COL6A2: variants seen among roughly 807,000 people sequenced by gnomAD.
The protein encoded by COL6A2 is collagen alpha-2(VI) chain.
Under a neutral mutation model 124.9 loss-of-function variants are expected in COL6A2, and 90 were observed. The observed-to-expected ratio is 0.72, with a 90% CI of 0.61 to 0.86. The LOEUF is 0.86. Ranked by LOEUF, COL6A2 falls within the 40% of genes least tolerant of loss-of-function variation. COL6A2 has a pLI of 0.00. For missense variants in COL6A2, 1,607 were observed against 1,502.5 expected (o/e 1.07, Z -1.15); for synonymous variants, 793 against 618.2 (o/e 1.28, Z -4.19).
At position 46,115,151 on chromosome 21, in the gene COL6A2, G is replaced by A. The variant is rs11910021; in HGVS notation, c.802-721G>A. Among the ~76,000 whole-genome samples, 46 of 152,262 alleles carry A rather than the reference G, an allele frequency of 3.0e-4. No homozygotes were observed. The South Asian group carries it at 9.3e-3, about 31-fold the overall frequency. On this transcript the variant is annotated intron_variant, in intron 5 of 27. Coordinates refer to ENST00000300527, the MANE Select transcript of COL6A2 (RefSeq NM_001849.4). ...GCTGCACACAGCAGTGCAGTGACCC[G>A]TTCTGTTGGGGGGGCCACTGGAAGC... is the stretch of plus-strand genomic sequence containing the variant.
In COL6A2 at chr21:46,132,463, G is replaced by A. The variant is rs769931658; in HGVS notation, c.2971G>A (p.Gly991Ser). The A allele has an allele frequency of 3.7e-6, 6 of 1,606,732 alleles. No individual in the cohort carries two copies. The highest frequency in any genetic ancestry group is 5.1e-6 in the Non-Finnish European group (6 of 1,177,422). Residue 991 changes from glycine (G) to serine (S), a missense_variant, in exon 28 of 28, where the codon GGT becomes AGT. Gly to Ser is a moderately conservative substitution (Grantham distance 56). This residue lies in a region of COL6A2 where 1,223 missense variants were observed against 1,052.2 expected (regional missense o/e 1.16). Coordinates refer to ENST00000300527, the MANE Select transcript of COL6A2 (RefSeq NM_001849.4). ...DMDVLTTLSL[G>S]DRAAVFHEKD... ...GGACGTGCTCACCACGCTCAGCCTG[G>A]GTGACCGCGCCGCCGTGTTCCACGA...
rs9980483 is a variant in COL6A2, at chr21:46,119,619, T to C, written c.1270-169T>C. The stretch of plus-strand genomic sequence containing the variant: ...GGACGAGGGCTGGCAGCAGAGCCAC[T>C]GGCGCAGGCTGAGGCTGTTGGGAAG... On this transcript the variant is annotated intron_variant, in intron 14 of 27. Transcript: ENST00000300527. Among the ~76,000 whole-genome samples, 41,095 of 152,138 alleles carry C rather than the reference T, an allele frequency of 0.27. 6,543 individuals carry two copies. The highest frequency in any genetic ancestry group is 0.43 in the African/African-American group (17,929 of 41,472).
Position 46,118,609 on chromosome 21 carries a change from TC to T in COL6A2, c.1117-3del. ...ACGTGAGGCTGATTCTGCAAACCCT[TC>T]CAGGGGGACCCTGGCCGCCCAGGAC... On this transcript the variant is annotated splice_polypyrimidine_tract_variant and splice_region_variant and intron_variant, in intron 12 of 27. Transcript: ENST00000300527. 6.2e-7 allele frequency: 1 copy of T among 1,612,336 alleles called. No homozygotes were observed. The highest frequency in any genetic ancestry group is 1.1e-5 in the South Asian group (1 of 90,900).
chr21:46,118,452 G>C (rs2078510283), intron 12 of COL6A2, among the ~76,000 whole-genome samples, 162 bp from the exon 13 acceptor site: 1 of 152,204 alleles, frequency 6.6e-6, no homozygotes, highest in Non-Finnish European at 1.5e-5. Context: ...CTGGCACGGA[G>C]GTTCCAGCAG....
intron 5 of COL6A2, among the ~76,000 whole-genome samples, chr21:46,114,813 G>A (rs1464566517): frequency 1.3e-5 from 2 of 152,174 alleles, no homozygotes; most frequent in Non-Finnish European, 1.5e-5. Flanking sequence ...CACTAACAGA[G>A]TATGTGAAAC....
Position 46,119,780 on chromosome 21 carries a change from C to T in COL6A2, c.1270-8C>T. On this transcript the variant is annotated splice_polypyrimidine_tract_variant and splice_region_variant and intron_variant, in intron 14 of 27. Coordinates refer to ENST00000300527, the MANE Select transcript of COL6A2 (RefSeq NM_001849.4). ...CCCCTCCCTCACCCACACGCCTGTT[C>T]TCTGCAGGGGCGCAGGGGAGACCCC... 1 of 1,558,392 alleles carries T rather than the reference C, an allele frequency of 6.4e-7. No individual in the cohort carries two copies. Among genetic ancestry groups the T allele is most frequent in the Non-Finnish European group, 8.7e-7 (1 of 1,150,702 alleles).
At position 46,125,682 on chromosome 21, in the gene COL6A2, T is replaced by C. The variant is rs180784633; in HGVS notation, c.1969+65T>C. Reference sequence around the variant, plus strand: ...GGGCGGGGCGTGGGAGGCGATGAGATGGGAGAAGTCCAGACGCGTCCCTCC... The same window carrying C: ...GGGCGGGGCGTGGGAGGCGATGAGACGGGAGAAGTCCAGACGCGTCCCTCC... On this transcript the variant is annotated intron_variant, in intron 25 of 27. Coordinates refer to ENST00000300527, the MANE Select transcript of COL6A2 (RefSeq NM_001849.4). The C allele has an allele frequency of 2.5e-6, 4 of 1,591,714 alleles. No homozygotes were observed. The East Asian group carries it at 9.1e-5, about 36-fold the overall frequency.
chr21:46,124,896 C>CCCCCCTGGAGACCCCGGT lies in COL6A2; in HGVS notation c.1748_1765dup (p.Pro583_Gly588dup). ...CCTTCCTTCCCCAGGGTGAGCCCGG[C>CCCCCCTGGAGACCCCGGT]CCCCCTGGAGACCCCGGTCTCACGG... On this transcript the variant is annotated inframe_insertion, in exon 23 of 28. Coordinates refer to ENST00000300527, the MANE Select transcript of COL6A2 (RefSeq NM_001849.4). The CCCCCCTGGAGACCCCGGT allele has an allele frequency of 6.2e-7, 1 of 1,612,812 alleles. No individual in the cohort carries two copies. Among genetic ancestry groups the CCCCCCTGGAGACCCCGGT allele is most frequent in the Non-Finnish European group, 8.5e-7 (1 of 1,179,938 alleles).
At chr21:46,118,816 A>G in intron 13 of COL6A2, 140 bp downstream of exon 13, 1 of 1,142,386 alleles carries the variant, frequency 8.8e-7, no homozygotes, top group Non-Finnish European at 1.3e-6. Context: ...AGGGACAGGA[A>G]GAACAGGCCA....
intron 27 of COL6A2, among the ~76,000 whole-genome samples, chr21:46,130,338 T>TGGGGAGCGGCAGGGATCACCATCCAA (rs2078744766): frequency 3.9e-5 from 6 of 152,112 alleles, no homozygotes; most frequent in Non-Finnish European, 8.8e-5. Context: ...TCCACAATGT[T>TGGGGAGCGGCAGGGATCACCATCCAA]GGGGAGCGGC....
intron 4 of COL6A2, 106 bp downstream of exon 4, chr21:46,112,930 A>G (rs930544936): frequency 6.5e-5 from 92 of 1,423,388 alleles, no homozygotes; most frequent in Non-Finnish European, 8.6e-5. Flanking sequence ...AACAGATGAG[A>G]GGAGAGGGAG....
rs200585528 is a variant in COL6A2 at position 46,125,997 on chromosome 21, G to A, written c.2182G>A (p.Val728Met). The A allele has an allele frequency of 2.6e-4, 412 of 1,613,058 alleles. No homozygotes were observed. In the Middle Eastern group the frequency reaches 5.9e-3, roughly 23 times the overall value. ...SRRQKTRVFA[V>M]VITDGRHDPR... ...GCGCCAGAAGACACGTGTGTTTGCG[G>A]TGGTCATCACGGACGGGCGCCACGA... Residue 728 changes from valine to methionine, a missense_variant, in exon 26 of 28, where the codon GTG (valine) becomes ATG (methionine). Coordinates refer to ENST00000300527, the MANE Select transcript of COL6A2 (RefSeq NM_001849.4).
At chr21:46,124,537 GCCC>G (rs36033678) in intron 21 of COL6A2, 111 bp from the exon 22 acceptor site, 68 of 838,334 alleles carry the variant, frequency 8.1e-5, no homozygotes, top group South Asian at 4.4e-4. Context: ...GCACCTGTTA[GCCC>G]CCCCCCCCGC....
At chr21:46,121,517 C>A in intron 17 of COL6A2, 39 bp from the exon 18 acceptor site, 3 of 1,602,388 alleles carry the variant, frequency 1.9e-6, no homozygotes. Context: ...TGGCCAGTCC[C>A]TGCCTGTGCT....
At chr21:46,125,733 A>C in intron 25 of COL6A2, 52 bp from the exon 26 acceptor site, 3 of 1,601,726 alleles carry the variant, frequency 1.9e-6, no homozygotes, top group Non-Finnish European at 1.7e-6. Context: ...ATGGCTGGGG[A>C]TGCCCCAGAC....
chr21:46,124,537 G>GC lies in COL6A2; in HGVS notation c.1672-103dup, dbSNP rs36033678. 8.0e-3 allele frequency: 6,666 copies of GC among 836,548 alleles called. 48 individuals carry two copies. Among genetic ancestry groups the GC allele is most frequent in the African/African-American group, 0.024 (1,372 of 57,838 alleles). 51.8% of individuals were successfully genotyped at this position (836,548 alleles called of 1,614,324 possible). ...CTTGTCTTACTCCTTGCACCTGTTA[G>GC]CCCCCCCCCCCGCCAAGGGAGGACC... On this transcript the variant is annotated intron_variant, in intron 21 of 27. Coordinates refer to ENST00000300527, the MANE Select transcript of COL6A2 (RefSeq NM_001849.4).
At chr21:46,128,248 C>G (rs1465307468) in intron 27 of COL6A2, among the ~76,000 whole-genome samples, 1 of 152,222 alleles carries the variant, frequency 6.6e-6, no homozygotes, top group Non-Finnish European at 1.5e-5. Context: ...CCTCCAGGAC[C>G]TGACAGTGAG....
chr21:46,122,844 G>A (rs750823611), intron 20 of COL6A2, 31 bp from the exon 21 acceptor site: 7 of 1,607,298 alleles, frequency 4.4e-6, no homozygotes, highest in Non-Finnish European at 6.0e-6. Flanking sequence ...CAGCTCCTCT[G>A]TCCCAGGCTA....
chr21:46,113,899 T>G, intron 4 of COL6A2, 109 bp from the exon 5 acceptor site: 1 of 908,956 alleles, frequency 1.1e-6, no homozygotes, highest in Non-Finnish European at 1.8e-6. Context: ...CATTTCAGCA[T>G]CTCCTTGGCC....
Sources: allele counts gnomAD v4.1 joint callset (sites outside exome capture counted in the v4.1 genomes callset), GRCh38; gene constraint gnomAD v4.1.1; regional missense constraint gnomAD v4.1.1; transcripts MANE v1.5; gene names NCBI Gene and HGNC (gene_info 2026-07-23, HGNC 2026-07-21).